The following ULK4 variants were observed in gnomAD, a reference collection of about 807,000 sequenced individuals.
ULK4 encodes the protein inactive serine/threonine-protein kinase ULK4.
ULK4 carries 133 observed loss-of-function variants against 160.6 expected under a neutral mutation model. That is an observed-to-expected ratio of 0.83 (90% confidence interval 0.72 to 0.96). ULK4 has a LOEUF of 0.96. Ranked by LOEUF, ULK4 falls within the 40% of genes least tolerant of loss-of-function variation. The pLI, the probability that ULK4 is intolerant of heterozygous loss-of-function variation, is 0.00. For missense variants in ULK4, 1,580 were observed against 1,499.5 expected (o/e 1.05, Z -0.89); for synonymous variants, 534 against 539.8 (o/e 0.99, Z 0.15).
At chr3:41,580,354 TAAC>T (rs1237554846) in intron 31 of ULK4, among the ~76,000 whole-genome samples, 4 of 152,026 alleles carry the variant, frequency 2.6e-5, no homozygotes, top group Non-Finnish European at 4.4e-5. Flanking sequence ...AGGGCACAAA[TAAC>T]AAGTTAAACC....
chr3:41,404,603 C>G (rs972844302), intron 34 of ULK4, among the ~76,000 whole-genome samples: 2 of 152,100 alleles, frequency 1.3e-5, no homozygotes, highest in Admixed American at 6.5e-5. Context: ...GGAGGTGGAA[C>G]CTTTAAGAGG....
chr3:41,930,019 C>T (rs899661258), intron 5 of ULK4, among the ~76,000 whole-genome samples: 11 of 152,172 alleles, frequency 7.2e-5, no homozygotes, highest in South Asian at 2.1e-4. Context: ...AAAAAGAGCC[C>T]GCATAGCCAA....
chr3:41,926,572 A>C (rs1699393479), intron 5 of ULK4, among the ~76,000 whole-genome samples: 1 of 152,234 alleles, frequency 6.6e-6, no homozygotes, highest in Non-Finnish European at 1.5e-5. Context: ...AGCATGTTCT[A>C]ACCCAATGCA....
chr3:41,819,673 A>G lies in ULK4; in HGVS notation c.1765-167T>C, dbSNP rs75571497. On this transcript the variant is annotated intron_variant, in intron 18 of 36. Transcript: ENST00000301831. ...ATAACGACTAGATCAAGGATCTTTT[A>G]CTGCATTGTACATACAAGATATTTA... Among the ~76,000 whole-genome samples the G allele has an allele frequency of 2.5e-3, 376 of 152,304 alleles. 15 individuals carry two copies. In the East Asian group the frequency reaches 0.07, roughly 28 times the overall value.
intron 31 of ULK4, among the ~76,000 whole-genome samples, chr3:41,574,535 T>A (rs992456377): frequency 2.3e-5 from 1 of 43,066 alleles, no homozygotes; most frequent in African/African-American, 1.3e-4. Context: ...AGTCCTCTTT[T>A]TTTTTTTTTT....
intron 32 of ULK4, among the ~76,000 whole-genome samples, chr3:41,523,910 G>A (rs2086020302): frequency 6.6e-6 from 1 of 152,088 alleles, no homozygotes; most frequent in Non-Finnish European, 1.5e-5. Context: ...TAAACAAAAT[G>A]TAGTATATCC....
chr3:41,901,382 G>T (rs1053316934), intron 12 of ULK4, among the ~76,000 whole-genome samples: 6 of 150,422 alleles, frequency 4.0e-5, no homozygotes, highest in African/African-American at 1.5e-4. Context: ...GGGTTTCACC[G>T]TGTTAGCCAG....
rs983586344 is a variant in ULK4 at position 41,263,853 on chromosome 3, G to C, written c.3679-14279C>G. 5.4e-4 allele frequency among the ~76,000 whole-genome samples: 82 copies of C among 152,344 alleles called. 3 individuals are homozygous for C. The highest frequency in any genetic ancestry group is 6.8e-3 in the Middle Eastern group (2 of 294). On this transcript the variant is annotated intron_variant, in intron 35 of 36. Transcript: ENST00000301831. ...GCATGATTCTATGGTCAATAGGACA[G>C]TGTGTATTGAGCACCTATGTGTTGG...
At chr3:41,572,325 C>A (rs1015694939) in intron 31 of ULK4, among the ~76,000 whole-genome samples, 3 of 152,122 alleles carry the variant, frequency 2.0e-5, no homozygotes, top group African/African-American at 7.2e-5. Flanking sequence ...GAAAGAAGCC[C>A]AGAGTAGGCG....
At chr3:41,824,325 A>G (rs1402835723) in intron 18 of ULK4, among the ~76,000 whole-genome samples, 1 of 152,086 alleles carries the variant, frequency 6.6e-6, no homozygotes, top group East Asian at 1.9e-4. Flanking sequence ...GGTGCAGGAC[A>G]GTGGGTGCAG....
intron 2 of ULK4, among the ~76,000 whole-genome samples, chr3:41,950,085 A>C (rs538864732): frequency 8.4e-4 from 122 of 145,914 alleles, no homozygotes; most frequent in Non-Finnish European, 1.5e-3. Context: ...CTCTATTTTT[A>C]TTTTTCTTTT....
intron 20 of ULK4, among the ~76,000 whole-genome samples, chr3:41,798,169 T>A (rs532052228): frequency 6.7e-6 from 1 of 148,736 alleles, no homozygotes; most frequent in East Asian, 1.9e-4. Flanking sequence ...GTGGGAACTA[T>A]TGAAAAAAAA....
chr3:41,508,616 C>A (rs1037994474), intron 32 of ULK4, among the ~76,000 whole-genome samples: 3 of 152,114 alleles, frequency 2.0e-5, no homozygotes, highest in Admixed American at 6.5e-5. Flanking sequence ...TATTCACAGC[C>A]GAAAGACATA....
chr3:41,808,225 T>C (rs1349710216), intron 19 of ULK4, among the ~76,000 whole-genome samples: 1 of 152,206 alleles, frequency 6.6e-6, no homozygotes, highest in Non-Finnish European at 1.5e-5. Context: ...TCTTATGAAG[T>C]TCTAAAATCT....
intron 29 of ULK4, among the ~76,000 whole-genome samples, chr3:41,673,339 C>T (rs1211980840): frequency 1.3e-5 from 2 of 152,212 alleles, no homozygotes; most frequent in South Asian, 2.1e-4. Flanking sequence ...GGTAGTCAAA[C>T]GCACGACTTT....
intron 21 of ULK4, among the ~76,000 whole-genome samples, chr3:41,763,127 G>C (rs1043301618): frequency 6.6e-6 from 1 of 152,072 alleles, no homozygotes; most frequent in South Asian, 2.1e-4. Flanking sequence ...TGGGGACACA[G>C]AGCCAAATCC....
At chr3:41,444,361 T>TTTCTCTCTCTCTC (rs1245942797) in intron 34 of ULK4, among the ~76,000 whole-genome samples, 4 of 146,582 alleles carry the variant, frequency 2.7e-5, no homozygotes, top group African/African-American at 1.0e-4. Flanking sequence ...TTTAAGTGAC[T>TTTCTCTCTCTCTC]TCTCTCTCTC....
chr3:41,513,278 C>CA (rs1324282479), intron 32 of ULK4, among the ~76,000 whole-genome samples: 6 of 152,118 alleles, frequency 3.9e-5, no homozygotes, highest in East Asian at 1.9e-4. Flanking sequence ...GCAAATGCAA[C>CA]AAAAAACAAA....
intron 35 of ULK4, among the ~76,000 whole-genome samples, chr3:41,332,586 G>T (rs964199242): frequency 2.6e-4 from 40 of 152,182 alleles, no homozygotes; most frequent in African/African-American, 9.4e-4. Flanking sequence ...AAGAAGGTTA[G>T]TACTTATCTT....
Sources: gnomAD v4.1 joint callset for allele counts (sites outside exome capture counted in the v4.1 genomes callset) on GRCh38, gnomAD v4.1.1 for gene constraint, MANE v1.5 for transcripts, NCBI Gene and HGNC (gene_info 2026-07-23, HGNC 2026-07-21) for gene names.